The following FAM227B variants were observed in gnomAD, a reference collection of about 807,000 sequenced individuals.
The protein encoded by FAM227B is family with sequence similarity 227 member B.
Under a neutral mutation model 73.8 loss-of-function variants are expected in FAM227B, and 88 were observed. The observed-to-expected ratio is 1.19, with a 90% CI of 1.00 to 1.42. The LOEUF is 1.42. FAM227B is among the 40% of genes most tolerant of loss of function. The pLI is 0.00. For synonymous variants in FAM227B, 210 were observed against 190.5 expected (o/e 1.10, Z -0.84); for missense variants, 632 against 590.9 (o/e 1.07, Z -0.72).
intron 5 of FAM227B, among the ~76,000 whole-genome samples, chr15:49,586,489 C>T (rs2076171545): frequency 6.6e-6 from 1 of 152,128 alleles, no homozygotes; most frequent in Non-Finnish European, 1.5e-5. Flanking sequence ...GCAAAGATTT[C>T]ATGACAAAAA....
At chr15:49,593,477 G>C (rs1203015478) in intron 3 of FAM227B, among the ~76,000 whole-genome samples, 1 of 152,010 alleles carries the variant, frequency 6.6e-6, no homozygotes, top group Non-Finnish European at 1.5e-5. Flanking sequence ...TGGGGGAACA[G>C]GTGGTTTTCG....
intron 10 of FAM227B, among the ~76,000 whole-genome samples, chr15:49,518,176 A>G (rs564004300): frequency 1.3e-5 from 2 of 152,206 alleles, no homozygotes; most frequent in Non-Finnish European, 2.9e-5. Flanking sequence ...CTGTGACAAA[A>G]GTATGCATAT....
chr15:49,371,759 A>AAAT (rs1250333608), intron 11 of FAM227B, among the ~76,000 whole-genome samples: 7 of 148,212 alleles, frequency 4.7e-5, no homozygotes, highest in South Asian at 2.1e-4. Flanking sequence ...ACTTATAAAT[A>AAAT]AATGAAATAA....
chr15:49,347,200 C>G (rs1322969593), intron 13 of FAM227B, among the ~76,000 whole-genome samples: 1 of 152,098 alleles, frequency 6.6e-6, no homozygotes, highest in Non-Finnish European at 1.5e-5. Flanking sequence ...TAAAATAATT[C>G]AACAAAATTG....
At chr15:49,415,119 G>A (rs1482575781) in intron 11 of FAM227B, among the ~76,000 whole-genome samples, 4 of 151,958 alleles carry the variant, frequency 2.6e-5, no homozygotes, top group African/African-American at 4.8e-5. Context: ...CTAATGAATT[G>A]AAAATTAAGC....
chr15:49,354,880 C>A (rs1187953577), intron 13 of FAM227B, among the ~76,000 whole-genome samples: 1 of 152,042 alleles, frequency 6.6e-6, no homozygotes, highest in African/African-American at 2.4e-5. Flanking sequence ...TCCCAGCATG[C>A]AGCTGGAGAT....
chr15:49,423,893 A>C (rs2049902515), intron 11 of FAM227B: 2 of 160,422 alleles, frequency 1.2e-5, no homozygotes, highest in Non-Finnish European at 2.7e-5. Flanking sequence ...ATCCTCTGTG[A>C]AGGCTGTTTT....
chr15:49,365,660 T>C (rs766486053), intron 13 of FAM227B: 3 of 1,071,400 alleles, frequency 2.8e-6, no homozygotes, highest in Non-Finnish European at 4.4e-6. Context: ...CCTAGAAGTA[T>C]CACACATGAC....
At chr15:49,591,640 C>A (rs1425212035) in intron 3 of FAM227B, among the ~76,000 whole-genome samples, 1 of 151,880 alleles carries the variant, frequency 6.6e-6, no homozygotes, top group Non-Finnish European at 1.5e-5. Flanking sequence ...CACGTGCCAC[C>A]ATGCCCAACT....
chr15:49,453,509 T>A (rs918172743), intron 11 of FAM227B, among the ~76,000 whole-genome samples: 9 of 152,156 alleles, frequency 5.9e-5, no homozygotes, highest in Non-Finnish European at 2.9e-5. Context: ...TTCCAACTAT[T>A]CACATTGCAA....
At position 49,542,828 on chromosome 15, in the gene FAM227B, G is replaced by GT. The variant is rs1287871397; in HGVS notation, c.748-1023dup. ...TATAGGTAAATTACATGTGAAGGAG[G>GT]TTTGTGAACAGATTATTTCTTTTTA... On this transcript the variant is annotated intron_variant, in intron 9 of 15. Coordinates refer to ENST00000299338, the MANE Select transcript of FAM227B (RefSeq NM_152647.3). Among the ~76,000 whole-genome samples the GT allele has an allele frequency of 2.6e-5, 4 of 151,622 alleles. No individual in the cohort carries two copies. In the East Asian group the frequency reaches 7.7e-4, roughly 29 times the overall value.
intron 13 of FAM227B, among the ~76,000 whole-genome samples, chr15:49,352,949 A>G (rs2042468876): frequency 6.6e-6 from 1 of 152,176 alleles, no homozygotes; most frequent in Non-Finnish European, 1.5e-5. Flanking sequence ...TATTAAACTT[A>G]GCTTTGCTTG....
intron 9 of FAM227B, among the ~76,000 whole-genome samples, chr15:49,566,837 A>G (rs940462460): frequency 6.6e-6 from 1 of 151,956 alleles, no homozygotes; most frequent in Non-Finnish European, 1.5e-5. Flanking sequence ...TCTTAGAAAA[A>G]GTTACTGAAA....
intron 8 of FAM227B, among the ~76,000 whole-genome samples, chr15:49,572,670 G>C (rs764938427): frequency 6.6e-6 from 1 of 151,998 alleles, no homozygotes; most frequent in East Asian, 1.9e-4. Flanking sequence ...TTCTGTTTGA[G>C]AGCAGGGCAC....
chr15:49,488,498 C>T (rs946435975), intron 11 of FAM227B: 2 of 151,932 alleles, frequency 1.3e-5, no homozygotes, highest in African/African-American at 4.8e-5. Context: ...TCTCAAACTA[C>T]ACTTCTCAAG....
chr15:49,565,966 C>T (rs1449978509), intron 9 of FAM227B, among the ~76,000 whole-genome samples: 3 of 152,202 alleles, frequency 2.0e-5, no homozygotes, highest in Non-Finnish European at 2.9e-5. Flanking sequence ...AGATTCTCCT[C>T]TGGGCCCTCC....
intron 2 of FAM227B, among the ~76,000 whole-genome samples, chr15:49,613,477 G>T (rs1181298266): frequency 6.6e-6 from 1 of 152,108 alleles, no homozygotes; most frequent in East Asian, 1.9e-4. Context: ...CTCCAGCCTG[G>T]GTGACAGAGC....
chr15:49,362,369 G>GT (rs2044389023), intron 13 of FAM227B, among the ~76,000 whole-genome samples: 1 of 152,144 alleles, frequency 6.6e-6, no homozygotes, highest in Non-Finnish European at 1.5e-5. Context: ...TGCTGTGATT[G>GT]TAAGTTTCCT....
At chr15:49,402,291 C>T (rs538902771) in intron 11 of FAM227B, among the ~76,000 whole-genome samples, 12 of 152,054 alleles carry the variant, frequency 7.9e-5, no homozygotes, top group Non-Finnish European at 1.3e-4. Flanking sequence ...TTTTTGGATT[C>T]CATATAAATT....
Sources: allele counts gnomAD v4.1 joint callset (sites outside exome capture counted in the v4.1 genomes callset), GRCh38; gene constraint gnomAD v4.1.1; transcripts MANE v1.5; gene names NCBI Gene and HGNC (gene_info 2026-07-23, HGNC 2026-07-21).